Variants in TAGLN3 observed in about 807,000 individuals in gnomAD.
The protein encoded by TAGLN3 is transgelin 3.
A neutral mutation model predicts 25.4 loss-of-function variants in TAGLN3; 12 were observed. That is an observed-to-expected ratio of 0.47 (90% confidence interval 0.30 to 0.77). The LOEUF is 0.77. TAGLN3 is among the 30% of genes least tolerant of loss of function. The pLI, the probability that TAGLN3 is intolerant of heterozygous loss-of-function variation, is 0.06. For missense variants in TAGLN3, 218 were observed against 255.8 expected (o/e 0.85, Z 1.01); for synonymous variants, 96 against 94.8 (o/e 1.01, Z -0.08).
intron 1 of TAGLN3, 57 bp from the exon 2 acceptor site, chr3:111,999,364 G>T: frequency 6.3e-7 from 1 of 1,579,344 alleles, no homozygotes; most frequent in Non-Finnish European, 8.6e-7. Context: ...GCAGGGAGCC[G>T]GAGGCTGCTG....
At chr3:111,999,684 G>A (rs1475330521) in intron 2 of TAGLN3, 82 bp downstream of exon 2, 3 of 1,522,944 alleles carry the variant, frequency 2.0e-6, no homozygotes, top group Non-Finnish European at 2.7e-6. Flanking sequence ...TAAGGCTGCG[G>A]GAAGAGCTGC....
At chr3:112,003,324 A>ATACAACT (rs2107720867) in intron 3 of TAGLN3, among the ~76,000 whole-genome samples, 1 of 152,260 alleles carries the variant, frequency 6.6e-6, no homozygotes, top group South Asian at 2.1e-4. Context: ...ACCATACAAC[A>ATACAACT]GGGCAGGAGG....
chr3:112,009,342 A>G (rs1267175558), intron 3 of TAGLN3, among the ~76,000 whole-genome samples: 4 of 152,202 alleles, frequency 2.6e-5, no homozygotes, highest in South Asian at 2.1e-4. Flanking sequence ...TCAAAGACTT[A>G]TGGGCATTGA....
chr3:112,006,067 T>C (rs1017525273), intron 3 of TAGLN3, among the ~76,000 whole-genome samples: 2 of 152,090 alleles, frequency 1.3e-5, no homozygotes, highest in African/African-American at 4.8e-5. Context: ...CCTGGAAGCC[T>C]CATTTTCTAT....
In TAGLN3 at chr3:112,013,749, G is replaced by T. The variant is rs967412223; in HGVS notation, c.*198G>T. 5.4e-6 allele frequency: 4 copies of T among 737,810 alleles called. No individual in the cohort carries two copies. Among genetic ancestry groups the T allele is most frequent in the Non-Finnish European group, 9.4e-6 (4 of 426,612 alleles). The allele number at this position is 737,810 out of a possible 1,614,324, so 45.7% of individuals were successfully genotyped here. On this transcript the variant is annotated 3_prime_UTR_variant, in exon 5 of 5. Transcript: ENST00000478951. ...TCCTGTTCATTTAGAACTATGCAAAGACTCCGCTTCCGTTTTCCTGAGCTC... is the reference window on the plus strand; with the variant it reads ...TCCTGTTCATTTAGAACTATGCAAATACTCCGCTTCCGTTTTCCTGAGCTC...
In TAGLN3 at chr3:111,999,471, A is replaced by C; in HGVS notation, c.49A>C (p.Lys17Gln). The C allele has an allele frequency of 1.2e-6, 2 of 1,614,204 alleles. No homozygotes were observed. Among genetic ancestry groups the C allele is most frequent in the Non-Finnish European group, 1.7e-6 (2 of 1,180,024 alleles). Residue 17 changes from lysine (K) to glutamine (Q), a missense_variant, in exon 2 of 5, where the codon AAG becomes CAG. By Grantham distance (53) the Lys-to-Gln change is moderately conservative. Coordinates refer to ENST00000478951, the MANE Select transcript of TAGLN3 (RefSeq NM_001008272.2). ...SYGLSREVQE[K>Q]IEQKYDADLE... is the part of the protein sequence containing the mutation. ...TGGCTTAAGCCGAGAGGTGCAGGAG[A>C]AGATCGAGCAGAAGTATGATGCGGA...
intron 4 of TAGLN3, among the ~76,000 whole-genome samples, chr3:112,012,245 TC>T (rs2072985747): frequency 1.7e-5 from 1 of 59,300 alleles, no homozygotes. Flanking sequence ...CCTCCCTCCC[TC>T]CCTCCCTCCC....
At chr3:112,007,367 A>C (rs1313012321) in intron 3 of TAGLN3, among the ~76,000 whole-genome samples, 1 of 152,216 alleles carries the variant, frequency 6.6e-6, no homozygotes, top group Non-Finnish European at 1.5e-5. Context: ...CATATCAAGT[A>C]CTGCCCTAAA....
rs1274617858 is a variant in TAGLN3, at chr3:112,013,683, T to G, written c.*132T>G. 3 of 1,397,416 alleles carry G rather than the reference T, an allele frequency of 2.1e-6. No individual in the cohort carries two copies. Among genetic ancestry groups the G allele is most frequent in the Middle Eastern group, 1.7e-4 (1 of 5,736 alleles). The allele number at this position is 1,397,416 out of a possible 1,614,324, so 86.6% of individuals were successfully genotyped here. A position where few individuals can be genotyped will look rare whatever the true frequency, so the allele number is the denominator to read the frequency against. Reference sequence around the variant, plus strand: ...TTCTGTCCCTGGTTTTTGCAAGTGCTGCATTTCCGCCGAGAATCCGCGTTG... The same window carrying G: ...TTCTGTCCCTGGTTTTTGCAAGTGCGGCATTTCCGCCGAGAATCCGCGTTG... On this transcript the variant is annotated 3_prime_UTR_variant, in exon 5 of 5. Coordinates refer to ENST00000478951, the MANE Select transcript of TAGLN3 (RefSeq NM_001008272.2).
In TAGLN3 at chr3:112,003,871, C is replaced by T. The variant is rs148443470; in HGVS notation, c.355+2925C>T. On this transcript the variant is annotated intron_variant, in intron 3 of 4. Transcript: ENST00000478951. ...TCAGGCTGCCTGGATGTTGCAAACC[C>T]GTAAGTCTGGAGGAGCCCAGGCTTG... 5.8e-3 allele frequency among the ~76,000 whole-genome samples: 890 copies of T among 152,246 alleles called. 10 individuals carry two copies. Among genetic ancestry groups the T allele is most frequent in the African/African-American group, 0.021 (854 of 41,534 alleles).
intron 3 of TAGLN3, among the ~76,000 whole-genome samples, chr3:112,010,337 C>T (rs943085430): frequency 6.6e-6 from 1 of 152,096 alleles, no homozygotes; most frequent in South Asian, 2.1e-4. Flanking sequence ...GAGTGATATA[C>T]CCTAACCTAA....
At chr3:112,005,800 C>T (rs369133253) in intron 3 of TAGLN3, among the ~76,000 whole-genome samples, 67 of 149,490 alleles carry the variant, frequency 4.5e-4, no homozygotes, top group African/African-American at 1.3e-3. Flanking sequence ...CCCAGGTTCA[C>T]GGCATTCTCC....
rs2072999493 is a variant in TAGLN3, at chr3:112,013,323, C to A, written c.459-87C>A. 13 of 1,511,122 alleles carry A rather than the reference C, an allele frequency of 8.6e-6. No homozygotes were observed. The South Asian group carries it at 1.7e-4, about 20-fold the overall frequency. The allele number at this position is 1,511,122 out of a possible 1,614,324, so 93.6% of individuals were successfully genotyped here. A position where few individuals can be genotyped will look rare whatever the true frequency, so the allele number is the denominator to read the frequency against. Reference sequence around the variant, plus strand: ...GGACCTGCTGATCTATTTGGGGACCCCCAGCAGAGCCTGTCTAATTGCATA... The same window carrying A: ...GGACCTGCTGATCTATTTGGGGACCACCAGCAGAGCCTGTCTAATTGCATA... On this transcript the variant is annotated intron_variant, in intron 4 of 4. Coordinates refer to ENST00000478951, the MANE Select transcript of TAGLN3 (RefSeq NM_001008272.2).
At chr3:112,003,709 C>T (rs2072887636) in intron 3 of TAGLN3, among the ~76,000 whole-genome samples, 2 of 152,158 alleles carry the variant, frequency 1.3e-5, no homozygotes, top group South Asian at 2.1e-4. Flanking sequence ...GCCACTGTGG[C>T]TCCAGCCCTC....
intron 1 of TAGLN3, 148 bp downstream of exon 1, chr3:111,999,262 C>A: frequency 2.7e-6 from 2 of 752,418 alleles, no homozygotes; most frequent in Non-Finnish European, 2.1e-6. Flanking sequence ...ACCCCATTGG[C>A]TTCATTGGCT....
rs1368549261 is a variant in TAGLN3, at chr3:112,013,502, C to G, written c.551C>G (p.Ala184Gly). The change falls in exon 5 of 5, where the codon GCC (alanine) becomes GGC (glycine). Residue 184 changes from alanine to glycine, a missense_variant. Physicochemically the swap from Ala to Gly is moderately conservative, Grantham distance 60. Coordinates refer to ENST00000478951, the MANE Select transcript of TAGLN3 (RefSeq NM_001008272.2). ...IGLQMGSNKG[A>G]SQAGMTGYGM... ...CTGCAGATGGGCAGCAACAAGGGAG[C>G]CTCCCAGGCGGGCATGACAGGGTAC... 6.2e-7 allele frequency: 1 copy of G among 1,614,192 alleles called. No homozygotes were observed. Among genetic ancestry groups the G allele is most frequent in the Admixed American group, 1.7e-5 (1 of 60,028 alleles).
chr3:112,012,089 A>G (rs533024450), intron 4 of TAGLN3, among the ~76,000 whole-genome samples: 2 of 152,292 alleles, frequency 1.3e-5, no homozygotes, highest in East Asian at 3.9e-4. Context: ...GATACCTCCC[A>G]GCTCCACCCA....
At chr3:112,009,541 A>G (rs1176328054) in intron 3 of TAGLN3, among the ~76,000 whole-genome samples, 1 of 152,178 alleles carries the variant, frequency 6.6e-6, no homozygotes, top group East Asian at 1.9e-4. Flanking sequence ...GCAGAGTGGC[A>G]TGGTGGATTG....
chr3:112,011,308 T>G (rs1233121150), intron 3 of TAGLN3, among the ~76,000 whole-genome samples: 2 of 152,228 alleles, frequency 1.3e-5, no homozygotes, highest in Admixed American at 6.5e-5. Flanking sequence ...CTCTCCTCTC[T>G]GTCACACACA....
Sources: allele counts gnomAD v4.1 joint callset (sites outside exome capture counted in the v4.1 genomes callset), GRCh38; gene constraint gnomAD v4.1.1; transcripts MANE v1.5; gene names NCBI Gene and HGNC (gene_info 2026-07-23, HGNC 2026-07-21).